The following HSF2BP variants were observed in gnomAD, a reference collection of about 807,000 sequenced individuals.
HSF2BP encodes the protein heat shock transcription factor 2 binding protein.
HSF2BP carries 35 observed loss-of-function variants against 35.0 expected under a neutral mutation model. The ratio of observed to expected loss-of-function variants is 1.00; its 90% CI spans 0.76 to 1.32. The LOEUF is 1.32. Ranked by LOEUF, HSF2BP falls within the 40% of genes most tolerant of loss-of-function variation. The probability of loss-of-function intolerance (pLI) is 0.00; values close to 1 mark genes in which losing one functional copy is unlikely to be tolerated. For missense variants in HSF2BP, 326 were observed against 321.7 expected, an observed-to-expected ratio of 1.01 and a Z score of -0.10; for synonymous variants, 114 against 117.4, an observed-to-expected ratio of 0.97 and a Z score of 0.18.
chr21:43,505,422 G>T, the HSF2BP span, among the ~76,000 whole-genome samples: 1 of 107,442 alleles, frequency 9.3e-6, no homozygotes, highest in East Asian at 2.2e-4. Flanking sequence ...CGCTCACCGT[G>T]GCCAGAGCTG....
the HSF2BP span, among the ~76,000 whole-genome samples, chr21:43,467,852 C>G: frequency 3.6e-4 from 37 of 102,618 alleles, no homozygotes; most frequent in East Asian, 8.7e-3. Flanking sequence ...CACATACACA[C>G]CACACACCAC....
intron 5 of HSF2BP, among the ~76,000 whole-genome samples, chr21:43,632,140 C>A (rs59177757): frequency 0.4 from 23,179 of 58,458 alleles, 6,203 homozygotes; most frequent in East Asian, 0.58. Context: ...CACACGCTCC[C>A]ACACACACAC....
intron 3 of HSF2BP, among the ~76,000 whole-genome samples, chr21:43,649,780 G>T (rs909985502): frequency 6.6e-6 from 1 of 152,172 alleles, no homozygotes; most frequent in Non-Finnish European, 1.5e-5. Flanking sequence ...AGACTGAATG[G>T]CTTTTTTATT....
chr21:43,583,683 A>G (rs1350299179), intron 8 of HSF2BP, among the ~76,000 whole-genome samples: 1,125 of 50,750 alleles, frequency 0.022, no homozygotes, highest in East Asian at 0.026. Context: ...ACCTGCTGAG[A>G]GAGATGAAGG....
At chr21:43,579,997 C>G (rs547017907) in intron 8 of HSF2BP, among the ~76,000 whole-genome samples, 1 of 152,298 alleles carries the variant, frequency 6.6e-6, no homozygotes, top group Middle Eastern at 3.4e-3. Flanking sequence ...GAGGGGCCAG[C>G]CTGCTTTCTG....
chr21:43,607,155 T>C (rs1354185389), intron 7 of HSF2BP, among the ~76,000 whole-genome samples: 5 of 152,048 alleles, frequency 3.3e-5, no homozygotes, highest in African/African-American at 7.2e-5. Flanking sequence ...TCAGGTGTGG[T>C]GGCACACACC....
chr21:43,631,581 C>G (rs933775455), intron 5 of HSF2BP, among the ~76,000 whole-genome samples: 2 of 152,112 alleles, frequency 1.3e-5, no homozygotes, highest in Non-Finnish European at 1.5e-5. Context: ...CTGCTCTTAT[C>G]CTATCACTTT....
intron 6 of HSF2BP, among the ~76,000 whole-genome samples, chr21:43,621,282 T>C (rs2082328516): frequency 6.6e-6 from 1 of 152,204 alleles, no homozygotes; most frequent in African/African-American, 2.4e-5. Context: ...ATCCCAGCAC[T>C]TAGGGAGGCC....
At position 43,653,183 on chromosome 21, in the gene HSF2BP, A is replaced by AC. The variant is rs1568945203; in HGVS notation, c.187+3403_187+3404insG. Among the ~76,000 whole-genome samples the AC allele has an allele frequency of 2.5e-3, 294 of 116,454 alleles. 3 individuals are homozygous for AC. The Middle Eastern group carries it at 0.045, about 18-fold the overall frequency. The allele number at this position is 116,454 out of a possible 152,430, so 76.4% of individuals were successfully genotyped here. On this transcript the variant is annotated intron_variant, in intron 3 of 8. Transcript: ENST00000291560. ...ACACAGAGAGAGAGAGAGAGAGAAA[A>AC]GGGAAAGGAAGGGAAGGGGAAGGGA...
intron 4 of HSF2BP, among the ~76,000 whole-genome samples, chr21:43,642,198 T>A (rs1217402917): frequency 6.6e-6 from 1 of 152,028 alleles, no homozygotes; most frequent in Non-Finnish European, 1.5e-5. Flanking sequence ...AAATAAAAAT[T>A]AATTAATTAA....
chr21:43,619,564 T>C lies in HSF2BP; in HGVS notation c.575-5617A>G, dbSNP rs76937187. On this transcript the variant is annotated intron_variant, in intron 6 of 8. Coordinates refer to ENST00000291560, the MANE Select transcript of HSF2BP (RefSeq NM_007031.2). ...AGACAGTAAGACAACTGGACTTTCA[T>C]ACCTGTGACACCCGTCTCCATAATG... Among the ~76,000 whole-genome samples the C allele has an allele frequency of 5.2e-4, 79 of 152,358 alleles. 2 individuals are homozygous for C. In the East Asian group the frequency reaches 0.015, roughly 29 times the overall value.
At chr21:43,594,969 T>G (rs2081967657) in intron 7 of HSF2BP, among the ~76,000 whole-genome samples, 1 of 152,092 alleles carries the variant, frequency 6.6e-6, no homozygotes, top group Admixed American at 6.5e-5. Flanking sequence ...AACAAAAGTT[T>G]CCAGAAAGGG....
chr21:43,601,024 C>T (rs1601645854), intron 7 of HSF2BP, among the ~76,000 whole-genome samples: 2 of 152,198 alleles, frequency 1.3e-5, no homozygotes, highest in East Asian at 1.9e-4. Context: ...TAACTAATCA[C>T]AATTTATTTA....
intron 6 of HSF2BP, 36 bp from the exon 7 acceptor site, chr21:43,613,983 T>C (rs2082240608): frequency 7.0e-7 from 1 of 1,437,756 alleles, no homozygotes; most frequent in Non-Finnish European, 9.8e-7. Flanking sequence ...TCAAGATCAT[T>C]ATGACTCAGA....
Position 43,601,727 on chromosome 21 carries a change from A to G in HSF2BP, c.693-9399T>C, listed in dbSNP as rs568548344. ...ATACACATTAGTTCACAGGCCCCAA[A>G]TGACTTCCAGATATTGACTTTTGTT... On this transcript the variant is annotated intron_variant, in intron 7 of 8. Coordinates refer to ENST00000291560, the MANE Select transcript of HSF2BP (RefSeq NM_007031.2). Among the ~76,000 whole-genome samples the G allele has an allele frequency of 3.3e-5, 5 of 152,282 alleles. No homozygotes were observed. In the South Asian group the frequency reaches 1.0e-3, roughly 32 times the overall value.
intron 4 of HSF2BP, among the ~76,000 whole-genome samples, chr21:43,637,805 T>TG (rs551983252): frequency 2.8e-4 from 26 of 91,912 alleles, no homozygotes; most frequent in Admixed American, 5.3e-4. Flanking sequence ...GCCCTGTCTC[T>TG]GGAAAAAAAA....
At chr21:43,627,907 C>T (rs944870917) in intron 6 of HSF2BP, among the ~76,000 whole-genome samples, 3 of 152,108 alleles carry the variant, frequency 2.0e-5, no homozygotes, top group African/African-American at 7.2e-5. Context: ...ATTATTATTA[C>T]ATCTGTTATG....
At chr21:43,638,444 T>A (rs554225320) in intron 4 of HSF2BP, among the ~76,000 whole-genome samples, 6 of 152,034 alleles carry the variant, frequency 3.9e-5, no homozygotes, top group African/African-American at 1.4e-4. Context: ...GGGGACAAGA[T>A]AAACAAACAA....
intron 7 of HSF2BP, among the ~76,000 whole-genome samples, chr21:43,604,532 A>C (rs1351829744): frequency 8.0e-5 from 11 of 137,820 alleles, no homozygotes; most frequent in African/African-American, 1.1e-4. Flanking sequence ...CCACACACAC[A>C]CCACACACAC....
Sources: allele counts gnomAD v4.1 joint callset (sites outside exome capture counted in the v4.1 genomes callset), GRCh38; gene constraint gnomAD v4.1.1; transcripts MANE v1.5; gene names NCBI Gene and HGNC (gene_info 2026-07-23, HGNC 2026-07-21).